Variants in RFC3 observed in about 807,000 individuals in gnomAD.
RFC3 encodes replication factor C subunit 3, also known as A1 38 kDa subunit.
In RFC3, 41 loss-of-function variants were observed where a neutral mutation model predicts 45.1. The observed-to-expected ratio is 0.91, with a 90% CI of 0.71 to 1.18. The LOEUF is 1.18. Ranked by LOEUF, RFC3 falls within the 50% of genes most tolerant of loss-of-function variation. The pLI is 0.00. For missense variants in RFC3, 423 were observed against 428.1 expected, an observed-to-expected ratio of 0.99 and a Z score of 0.10; for synonymous variants, 149 against 144.0, an observed-to-expected ratio of 1.03 and a Z score of -0.25.
chr13:33,945,700 G>A (rs1483755879), intron 8 of RFC3, among the ~76,000 whole-genome samples: 1 of 152,174 alleles, frequency 6.6e-6, no homozygotes, highest in African/African-American at 2.4e-5. Flanking sequence ...AGGGATATAC[G>A]CTGCCTGATA....
chr13:33,829,628 A>C, intron 4 of RFC3: 1 of 576,650 alleles, frequency 1.7e-6, no homozygotes. Context: ...TATTTATATG[A>C]TCTGAAGAGA....
intron 8 of RFC3, among the ~76,000 whole-genome samples, chr13:33,856,834 C>T (rs1999166): frequency 0.03 from 4,513 of 152,162 alleles, 132 homozygotes; most frequent in African/African-American, 0.069. Flanking sequence ...AAAAGTAAGG[C>T]CCCTGAGAGA....
At chr13:33,867,744 A>C (rs937110573) in intron 8 of RFC3, among the ~76,000 whole-genome samples, 1 of 152,194 alleles carries the variant, frequency 6.6e-6, no homozygotes, top group Non-Finnish European at 1.5e-5. Context: ...ACCGGTTACT[A>C]TGTTGGCTGA....
At chr13:33,826,705 A>G (rs1279087492) in intron 4 of RFC3, among the ~76,000 whole-genome samples, 1 of 152,158 alleles carries the variant, frequency 6.6e-6, no homozygotes, top group Admixed American at 6.6e-5. Flanking sequence ...TTGCTATGTT[A>G]TTAAATTCTC....
chr13:33,971,896 G>C, the RFC3 span, among the ~76,000 whole-genome samples: 1 of 152,162 alleles, frequency 6.6e-6, no homozygotes, highest in South Asian at 2.1e-4. Flanking sequence ...TGGATCACTT[G>C]AGGTCAGGAG....
intron 8 of RFC3, among the ~76,000 whole-genome samples, chr13:33,869,583 A>G (rs975905076): frequency 1.3e-5 from 2 of 152,188 alleles, no homozygotes; most frequent in Admixed American, 6.5e-5. Flanking sequence ...ATCTGTTCCC[A>G]AAGTTCTCCC....
intron 8 of RFC3, among the ~76,000 whole-genome samples, chr13:33,965,560 G>GT: frequency 6.6e-6 from 1 of 152,266 alleles, no homozygotes; most frequent in South Asian, 2.1e-4. Context: ...ATGAAGCAAT[G>GT]TAAGACTGTA....
At chr13:33,902,896 T>C (rs895194146) in intron 8 of RFC3, among the ~76,000 whole-genome samples, 2 of 149,724 alleles carry the variant, frequency 1.3e-5, no homozygotes, top group African/African-American at 5.1e-5. Flanking sequence ...TAAAATACCC[T>C]AACGATAGCT....
chr13:33,930,572 A>C (rs778439145), intron 8 of RFC3, among the ~76,000 whole-genome samples: 2 of 152,128 alleles, frequency 1.3e-5, no homozygotes, highest in Non-Finnish European at 2.9e-5. Flanking sequence ...CCACTGACTC[A>C]AATGTTAATC....
intron 8 of RFC3, among the ~76,000 whole-genome samples, chr13:33,877,479 C>CT: frequency 6.6e-6 from 1 of 152,130 alleles, no homozygotes; most frequent in Non-Finnish European, 1.5e-5. Flanking sequence ...GAACCTGACA[C>CT]TTTGATATGG....
At chr13:33,945,719 G>A (rs1272487354) in intron 8 of RFC3, among the ~76,000 whole-genome samples, 2 of 152,212 alleles carry the variant, frequency 1.3e-5, no homozygotes, top group Non-Finnish European at 2.9e-5. Context: ...TAATCACCAT[G>A]TGGTTTCAAC....
intron 8 of RFC3, among the ~76,000 whole-genome samples, chr13:33,909,934 G>T (rs1376805217): frequency 6.6e-6 from 1 of 152,056 alleles, no homozygotes; most frequent in Non-Finnish European, 1.5e-5. Flanking sequence ...GTCTGGGAAG[G>T]TCTATCATAA....
chr13:33,976,684 TACA>T, the RFC3 span, among the ~76,000 whole-genome samples: 3 of 152,052 alleles, frequency 2.0e-5, no homozygotes, highest in Non-Finnish European at 4.4e-5. Flanking sequence ...CCAAAATATG[TACA>T]ACAATTATAT....
intron 6 of RFC3, 148 bp from the exon 7 acceptor site, chr13:33,831,108 G>A (rs962310853): frequency 9.6e-6 from 6 of 626,512 alleles, no homozygotes; most frequent in Non-Finnish European, 1.7e-5. Flanking sequence ...ACAGGAGGTG[G>A]AACTCAGGCC....
intron 8 of RFC3, 21 bp from the exon 9 acceptor site, chr13:33,836,082 AT>A: frequency 1.9e-6 from 3 of 1,587,698 alleles, no homozygotes; most frequent in Non-Finnish European, 2.6e-6. Flanking sequence ...TGATTTTTAA[AT>A]TACTGATTAT....
the RFC3 span, among the ~76,000 whole-genome samples, chr13:33,977,250 C>A: frequency 2.0e-5 from 3 of 152,050 alleles, no homozygotes; most frequent in Non-Finnish European, 4.4e-5. Context: ...TCATTAACTG[C>A]GGTCTATCTA....
At chr13:33,927,697 G>A (rs1271212849) in intron 8 of RFC3, among the ~76,000 whole-genome samples, 1 of 152,060 alleles carries the variant, frequency 6.6e-6, no homozygotes, top group African/African-American at 2.4e-5. Flanking sequence ...TTTTGATTCT[G>A]ACAACTTTCA....
At chr13:33,889,570 A>G (rs1440115689) in intron 8 of RFC3, among the ~76,000 whole-genome samples, 2 of 152,178 alleles carry the variant, frequency 1.3e-5, no homozygotes, top group Non-Finnish European at 2.9e-5. Context: ...ATGACTTTCA[A>G]AATCCTCTTT....
In RFC3 at chr13:33,879,518, G is replaced by A. The variant is rs531928899; in HGVS notation, c.879+44301G>A. On this transcript the variant is annotated intron_variant, in intron 8 of 8. Coordinates refer to the RFC3 transcript ENST00000434425. ...CAATTTTGAAGCTTCAAAGTCTTAG[G>A]GGAAAAATAAAAACAAACAAAAACT... is the stretch of plus-strand genomic sequence containing the variant. 2.0e-5 allele frequency among the ~76,000 whole-genome samples: 3 copies of A among 151,652 alleles called. No individual in the cohort carries two copies. The East Asian group carries it at 5.8e-4, about 29-fold the overall frequency.
Sources: allele counts gnomAD v4.1 joint callset (sites outside exome capture counted in the v4.1 genomes callset), GRCh38; gene constraint gnomAD v4.1.1; transcripts MANE v1.5; gene names NCBI Gene and HGNC (gene_info 2026-07-23, HGNC 2026-07-21).